WWOX: variants seen among roughly 807,000 people sequenced by gnomAD.
WWOX encodes WW domain-containing oxidoreductase.
In WWOX, 69 loss-of-function variants were observed where a neutral mutation model predicts 46.2. That is an observed-to-expected ratio of 1.49 (90% CI 1.23 to 1.82). WWOX has a LOEUF of 1.82. Ranked by LOEUF, WWOX falls within the 40% of genes most tolerant of loss-of-function variation. The pLI, the probability that WWOX is intolerant of heterozygous loss-of-function variation, is 0.00. For missense variants in WWOX, 919 were observed against 542.6 expected, an observed-to-expected ratio of 1.69 and a Z score of -6.89; for synonymous variants, 359 against 202.6, an observed-to-expected ratio of 1.77 and a Z score of -6.56.
chr16:78,875,164 C>T (rs550157576), intron 8 of WWOX, among the ~76,000 whole-genome samples: 2 of 152,300 alleles, frequency 1.3e-5, no homozygotes, highest in South Asian at 4.1e-4. Flanking sequence ...AGGAATGTTG[C>T]AAGATTGCAT....
At chr16:78,992,474 C>G (rs186579661) in intron 8 of WWOX, among the ~76,000 whole-genome samples, 3 of 152,156 alleles carry the variant, frequency 2.0e-5, no homozygotes, top group Non-Finnish European at 4.4e-5. Flanking sequence ...CTCAAAAAAA[C>G]AAAACAAAAC....
intron 8 of WWOX, among the ~76,000 whole-genome samples, chr16:79,089,726 A>G (rs1382099504): frequency 6.6e-6 from 1 of 152,166 alleles, no homozygotes; most frequent in African/African-American, 2.4e-5. Flanking sequence ...TAAGCATGGT[A>G]AACAGATTAC....
chr16:78,760,430 C>T (rs533255134), intron 8 of WWOX, among the ~76,000 whole-genome samples: 3 of 152,234 alleles, frequency 2.0e-5, no homozygotes, highest in Non-Finnish European at 2.9e-5. Flanking sequence ...ATCACACTTG[C>T]ATTTGATTTT....
intron 5 of WWOX, among the ~76,000 whole-genome samples, chr16:78,364,376 T>G (rs2081484037): frequency 6.6e-6 from 1 of 152,196 alleles, no homozygotes; most frequent in African/African-American, 2.4e-5. Context: ...CGGTTCTGAT[T>G]TATTAACCAT....
At chr16:78,427,405 A>C (rs2083108229) in intron 7 of WWOX, among the ~76,000 whole-genome samples, 1 of 152,204 alleles carries the variant, frequency 6.6e-6, no homozygotes, top group South Asian at 2.1e-4. Flanking sequence ...TTTGCTGTGA[A>C]AAAATTTCAG....
At chr16:79,200,377 G>A (rs1349081099) in intron 8 of WWOX, among the ~76,000 whole-genome samples, 1 of 152,170 alleles carries the variant, frequency 6.6e-6, no homozygotes, top group South Asian at 2.1e-4. Flanking sequence ...GCTACAAAGG[G>A]TATAGAGTAT....
chr16:79,040,452 C>T (rs115575484), intron 8 of WWOX, among the ~76,000 whole-genome samples: 10,637 of 151,876 alleles, frequency 0.07, 470 homozygotes, highest in African/African-American at 0.13. Context: ...TGTTTTGCAT[C>T]TTTGGTAGAG....
intron 8 of WWOX, among the ~76,000 whole-genome samples, chr16:78,918,946 G>C (rs1270934031): frequency 6.6e-6 from 1 of 152,124 alleles, no homozygotes; most frequent in African/African-American, 2.4e-5. Flanking sequence ...GTGGTAAGAA[G>C]AGTACCTTTC....
chr16:78,671,522 C>T (rs542902836), intron 8 of WWOX, among the ~76,000 whole-genome samples: 6 of 152,136 alleles, frequency 3.9e-5, no homozygotes, highest in Admixed American at 2.6e-4. Context: ...GATGGTTTAG[C>T]TTATTTAGTA....
In WWOX at chr16:78,598,092, A is replaced by G. The variant is rs564644593; in HGVS notation, c.1056+165340A>G. The stretch of plus-strand genomic sequence containing the variant: ...GAATTAAGCATGAAGATTTTAGTCA[A>G]TGTGCTTTCAAAGACCAATGTTTAG... On this transcript the variant is annotated intron_variant, in intron 8 of 8. Transcript: ENST00000566780. 7.9e-5 allele frequency among the ~76,000 whole-genome samples: 12 copies of G among 152,348 alleles called. No homozygotes were observed. In the East Asian group the frequency reaches 9.6e-4, roughly 12 times the overall value.
intron 8 of WWOX, among the ~76,000 whole-genome samples, chr16:78,434,422 C>A (rs1008261210): frequency 3.3e-5 from 5 of 152,122 alleles, no homozygotes; most frequent in Non-Finnish European, 7.3e-5. Context: ...ATGGTTATGC[C>A]TCATACTTTG....
At chr16:78,529,487 G>A (rs2043566436) in intron 8 of WWOX, among the ~76,000 whole-genome samples, 1 of 151,886 alleles carries the variant, frequency 6.6e-6, no homozygotes, top group South Asian at 2.1e-4. Context: ...TATTTTTTGA[G>A]ATGGAGTCTT....
chr16:78,592,310 T>C (rs935057950), intron 8 of WWOX, among the ~76,000 whole-genome samples: 3 of 152,218 alleles, frequency 2.0e-5, no homozygotes, highest in African/African-American at 7.2e-5. Context: ...AGATGTGGAA[T>C]TTTGGCAAGG....
chr16:79,163,977 G>T (rs1408325227), intron 8 of WWOX, among the ~76,000 whole-genome samples: 11 of 151,940 alleles, frequency 7.2e-5, no homozygotes, highest in Non-Finnish European at 1.6e-4. Context: ...CAGGGTGTCT[G>T]TGGGCATGGT....
chr16:78,212,492 C>T (rs1053574831), intron 5 of WWOX, among the ~76,000 whole-genome samples: 1 of 152,160 alleles, frequency 6.6e-6, no homozygotes, highest in Admixed American at 6.5e-5. Flanking sequence ...ATATTGGATT[C>T]TGCAAAGTCC....
intron 8 of WWOX, among the ~76,000 whole-genome samples, chr16:79,126,211 C>T (rs1221498917): frequency 4.6e-5 from 7 of 151,994 alleles, no homozygotes; most frequent in Admixed American, 4.6e-4. Flanking sequence ...CCAAGCAGAG[C>T]TTGGGCTTTG....
chr16:78,998,810 G>A (rs1166037169), intron 8 of WWOX, among the ~76,000 whole-genome samples: 1 of 152,224 alleles, frequency 6.6e-6, no homozygotes, highest in Non-Finnish European at 1.5e-5. Flanking sequence ...ACCTTCAGGT[G>A]CATCTCTAAA....
At chr16:79,186,807 G>A (rs1053857500) in intron 8 of WWOX, among the ~76,000 whole-genome samples, 28 of 151,914 alleles carry the variant, frequency 1.8e-4, no homozygotes, top group African/African-American at 6.3e-4. Context: ...GGAAACTGGG[G>A]GTCAGGGAAG....
At chr16:78,819,248 G>C (rs917123971) in intron 8 of WWOX, among the ~76,000 whole-genome samples, 1 of 152,156 alleles carries the variant, frequency 6.6e-6, no homozygotes, top group African/African-American at 2.4e-5. Context: ...CCCCCAGTGA[G>C]GCAGCAGGTG....
Sources: gnomAD v4.1 joint callset for allele counts (sites outside exome capture counted in the v4.1 genomes callset) on GRCh38, gnomAD v4.1.1 for gene constraint, MANE v1.5 for transcripts, NCBI Gene and HGNC (gene_info 2026-07-23, HGNC 2026-07-21) for gene names.